The following DGKI variants were observed in gnomAD, a reference collection of about 807,000 sequenced individuals.
The protein encoded by DGKI is DAG kinase iota.
A neutral mutation model predicts 147.5 loss-of-function variants in DGKI; 55 were observed. The observed-to-expected ratio is 0.37, with a 90% CI of 0.30 to 0.47. The LOEUF is 0.47. Among genes scored for constraint, DGKI ranks in the 20% least tolerant of loss-of-function variants. The pLI is 1.00. For missense variants in DGKI, 1,007 were observed against 1,323.8 expected (o/e 0.76, Z 3.71); for synonymous variants, 469 against 477.1 (o/e 0.98, Z 0.22).
chr7:137,471,306 A>G (rs1814875372), intron 23 of DGKI, among the ~76,000 whole-genome samples: 1 of 152,188 alleles, frequency 6.6e-6, no homozygotes, highest in Non-Finnish European at 1.5e-5. Context: ...CTGTGCAGGC[A>G]GCAATAAAGA....
At chr7:137,577,081 T>G (rs1819008206) in intron 17 of DGKI, 141 bp downstream of exon 17, 1 of 684,846 alleles carries the variant, frequency 1.5e-6, no homozygotes, top group Admixed American at 2.6e-5. Flanking sequence ...ACATAATAAG[T>G]GTAGGTTGAA....
chr7:137,690,672 C>G (rs1823572011), intron 1 of DGKI, among the ~76,000 whole-genome samples: 1 of 152,122 alleles, frequency 6.6e-6, no homozygotes, highest in African/African-American at 2.4e-5. Context: ...TGGAACATAA[C>G]AGAATTCACG....
chr7:137,837,527 T>A (rs1193653822), intron 1 of DGKI, among the ~76,000 whole-genome samples: 1 of 152,124 alleles, frequency 6.6e-6, no homozygotes, highest in Non-Finnish European at 1.5e-5. Flanking sequence ...TCACCCCCAA[T>A]GTGATGGTTC....
intron 8 of DGKI, among the ~76,000 whole-genome samples, chr7:137,618,412 A>G (rs1052592634): frequency 6.6e-6 from 1 of 151,072 alleles, no homozygotes; most frequent in African/African-American, 2.4e-5. Context: ...TACTCCACAG[A>G]CCTAAATCTC....
chr7:137,611,518 C>T (rs530975777), intron 8 of DGKI, among the ~76,000 whole-genome samples: 7 of 152,242 alleles, frequency 4.6e-5, no homozygotes, highest in East Asian at 1.9e-4. Flanking sequence ...CAGGAATATA[C>T]GTCTGGTATG....
At chr7:137,563,779 T>C (rs1818493649) in intron 19 of DGKI, among the ~76,000 whole-genome samples, 1 of 152,204 alleles carries the variant, frequency 6.6e-6, no homozygotes, top group Non-Finnish European at 1.5e-5. Context: ...AAAACATTGT[T>C]GATGGATATT....
chr7:137,509,571 G>A (rs1202070516), intron 21 of DGKI, among the ~76,000 whole-genome samples: 2 of 152,088 alleles, frequency 1.3e-5, no homozygotes, highest in Non-Finnish European at 2.9e-5. Flanking sequence ...GAGCTGGAGA[G>A]AGCAAAAAAG....
At chr7:137,401,788 A>T (rs1811770618) in intron 30 of DGKI, among the ~76,000 whole-genome samples, 1 of 152,148 alleles carries the variant, frequency 6.6e-6, no homozygotes, top group South Asian at 2.1e-4. Flanking sequence ...AACCAGAAAA[A>T]ATACTATAAA....
chr7:137,691,804 T>TG (rs1823617226), intron 1 of DGKI, among the ~76,000 whole-genome samples: 1 of 121,180 alleles, frequency 8.3e-6, no homozygotes, highest in African/African-American at 5.5e-5. Context: ...TTGGGTTTTT[T>TG]TTTTTTTTTT....
At chr7:137,446,641 A>T (rs1455486977) in intron 27 of DGKI, among the ~76,000 whole-genome samples, 1 of 152,040 alleles carries the variant, frequency 6.6e-6, no homozygotes. Context: ...CAGGAGAATC[A>T]CTTGAACCTG....
At chr7:137,445,081 A>G (rs1371099420) in intron 27 of DGKI, among the ~76,000 whole-genome samples, 1 of 152,206 alleles carries the variant, frequency 6.6e-6, no homozygotes, top group African/African-American at 2.4e-5. Flanking sequence ...AGAGCTGCCA[A>G]TTACTATAAC....
chr7:137,429,183 T>C (rs1812955025), intron 28 of DGKI, among the ~76,000 whole-genome samples: 1 of 152,054 alleles, frequency 6.6e-6, no homozygotes. Context: ...CAAAACAGCA[T>C]GGTACTGGTA....
At chr7:137,713,474 T>C (rs1794277739) in intron 1 of DGKI, among the ~76,000 whole-genome samples, 1 of 152,210 alleles carries the variant, frequency 6.6e-6, no homozygotes, top group African/African-American at 2.4e-5. Context: ...ATCCAATAAA[T>C]GAAATGAGAC....
chr7:137,813,008 A>G (rs763605322), intron 1 of DGKI, among the ~76,000 whole-genome samples: 20 of 152,232 alleles, frequency 1.3e-4, no homozygotes, highest in Non-Finnish European at 2.6e-4. Context: ...CAGAGCCCCA[A>G]ACAATGACCC....
At chr7:137,448,128 C>A (rs545030277) in intron 27 of DGKI, among the ~76,000 whole-genome samples, 3 of 152,146 alleles carry the variant, frequency 2.0e-5, no homozygotes, top group African/African-American at 7.2e-5. Context: ...ACAACAAAAT[C>A]TATGGCAGAA....
At chr7:137,706,511 T>TTTTAC (rs1794032071) in intron 1 of DGKI, among the ~76,000 whole-genome samples, 1 of 148,730 alleles carries the variant, frequency 6.7e-6, no homozygotes. Context: ...TTTTATTTTA[T>TTTTAC]TTCATTTTAT....
chr7:137,745,096 A>G (rs780343898), intron 1 of DGKI, among the ~76,000 whole-genome samples: 8 of 152,218 alleles, frequency 5.3e-5, no homozygotes, highest in Non-Finnish European at 1.0e-4. Context: ...TGAATCTAAA[A>G]TAATATTTTA....
At chr7:137,504,637 A>T (rs78314399) in intron 21 of DGKI, among the ~76,000 whole-genome samples, 4,899 of 152,290 alleles carry the variant, frequency 0.032, 219 homozygotes, top group East Asian at 0.11. Context: ...AAAACTTGAC[A>T]TTTCCTTAAG....
intron 20 of DGKI, among the ~76,000 whole-genome samples, chr7:137,551,695 A>G (rs1157866845): frequency 2.0e-5 from 3 of 152,232 alleles, no homozygotes; most frequent in Non-Finnish European, 4.4e-5. Context: ...TATCTAGCCA[A>G]TATTACCTTA....
Sources: allele counts gnomAD v4.1 joint callset (sites outside exome capture counted in the v4.1 genomes callset), GRCh38; gene constraint gnomAD v4.1.1; transcripts MANE v1.5; gene names NCBI Gene and HGNC (gene_info 2026-07-23, HGNC 2026-07-21).